BCAT1: variants seen among roughly 807,000 people sequenced by gnomAD.
BCAT1 encodes the protein branched-chain-amino-acid aminotransferase, cytosolic.
Under a neutral mutation model 52.4 loss-of-function variants are expected in BCAT1, and 48 were observed. That is an observed-to-expected ratio of 0.92 (90% CI 0.73 to 1.16). The LOEUF (loss-of-function observed/expected upper bound fraction) is 1.16, where lower values mean the gene tolerates loss of function less well. BCAT1 is among the 50% of genes most tolerant of loss of function. The pLI is 0.00. For synonymous variants in BCAT1, 167 were observed against 161.3 expected, an observed-to-expected ratio of 1.04 and a Z score of -0.27; for missense variants, 451 against 457.1, an observed-to-expected ratio of 0.99 and a Z score of 0.12.
chr12:24,910,281 G>T (rs1422822473), intron 1 of BCAT1, among the ~76,000 whole-genome samples: 2 of 151,998 alleles, frequency 1.3e-5, no homozygotes, highest in Non-Finnish European at 2.9e-5. Context: ...GGAGGCTGAG[G>T]CAGGAGGATC....
intron 5 of BCAT1, among the ~76,000 whole-genome samples, chr12:24,857,168 T>A (rs1941713751): frequency 6.6e-6 from 1 of 152,224 alleles, no homozygotes; most frequent in Non-Finnish European, 1.5e-5. Flanking sequence ...TGGTTTGATA[T>A]CTATGTGACC....
At chr12:24,909,825 C>T (rs929011187) in intron 1 of BCAT1, among the ~76,000 whole-genome samples, 1 of 152,180 alleles carries the variant, frequency 6.6e-6, no homozygotes, top group Admixed American at 6.5e-5. Flanking sequence ...TGGAACTACC[C>T]CACCTAGAAC....
chr12:24,929,281 T>G (rs1565502891), intron 1 of BCAT1, among the ~76,000 whole-genome samples: 1 of 152,222 alleles, frequency 6.6e-6, no homozygotes, highest in African/African-American at 2.4e-5. Flanking sequence ...ACTTTGCACT[T>G]GAATAAAGTA....
At position 24,867,335 on chromosome 12, in the gene BCAT1, ATC is replaced by A. The variant is rs1340236295; in HGVS notation, c.510+11193_510+11194del. On this transcript the variant is annotated intron_variant, in intron 5 of 10. Coordinates refer to ENST00000261192, the MANE Select transcript of BCAT1 (RefSeq NM_005504.7). ...TACCATGTTTTACAGACTCGAAAAT[ATC>A]TTTTTTTTTTTTTTTTTTTTACCTT... is the stretch of plus-strand genomic sequence containing the variant. Among the ~76,000 whole-genome samples the A allele has an allele frequency of 5.3e-3, 646 of 121,550 alleles. 3 individuals are homozygous for A. Among genetic ancestry groups the A allele is most frequent in the Non-Finnish European group, 7.7e-3 (470 of 61,130 alleles). 79.7% of individuals were successfully genotyped at this position (121,550 alleles called of 152,430 possible). A position where few individuals can be genotyped will look rare whatever the true frequency, so the allele number is the denominator to read the frequency against.
intron 10 of BCAT1, among the ~76,000 whole-genome samples, chr12:24,820,977 T>G (rs1940099036): frequency 6.6e-6 from 1 of 152,150 alleles, no homozygotes; most frequent in African/African-American, 2.4e-5. Flanking sequence ...TGAAAGGCTG[T>G]GCAAAGCTTT....
intron 1 of BCAT1, among the ~76,000 whole-genome samples, chr12:24,916,603 G>A (rs755665104): frequency 5.9e-5 from 9 of 152,138 alleles, no homozygotes; most frequent in Non-Finnish European, 1.0e-4. Flanking sequence ...GCAGTGGTGC[G>A]ATCTCGGCTC....
rs7131753 is a variant in BCAT1 at position 24,891,171 on chromosome 12, G to C, written c.279+3104C>G. Among the ~76,000 whole-genome samples, 646 of 152,272 alleles carry C rather than the reference G, an allele frequency of 4.2e-3. 9 individuals are homozygous for C. The highest frequency in any genetic ancestry group is 0.015 in the African/African-American group (626 of 41,544). On this transcript the variant is annotated intron_variant, in intron 3 of 10. Coordinates refer to ENST00000261192, the MANE Select transcript of BCAT1 (RefSeq NM_005504.7). ...GACACATACAGATTTTGGGCCCTAG[G>C]TCAGCACATAAGAAGGCTGCCTACT... is the stretch of plus-strand genomic sequence containing the variant.
intron 6 of BCAT1, 144 bp from the exon 7 acceptor site, chr12:24,842,368 C>T (rs1941202509): frequency 1.1e-6 from 1 of 877,134 alleles, no homozygotes; most frequent in East Asian, 2.8e-5. Context: ...ACTCTCTAGT[C>T]AACTGCATAA....
intron 3 of BCAT1, among the ~76,000 whole-genome samples, chr12:24,887,312 T>C (rs1308934760): frequency 1.3e-5 from 2 of 151,746 alleles, no homozygotes; most frequent in Non-Finnish European, 2.9e-5. Context: ...TCTCTGTCTA[T>C]ACTTAGGTCC....
chr12:24,882,452 G>T (rs1433672241), intron 3 of BCAT1, among the ~76,000 whole-genome samples: 2 of 152,062 alleles, frequency 1.3e-5, no homozygotes, highest in African/African-American at 4.8e-5. Context: ...GTATTTAAGT[G>T]CAAATATATT....
At chr12:24,940,104 G>A (rs368464468) in intron 1 of BCAT1, among the ~76,000 whole-genome samples, 1 of 151,840 alleles carries the variant, frequency 6.6e-6, no homozygotes, top group East Asian at 1.9e-4. Flanking sequence ...TATTTTTTAC[G>A]CCTAATGACT....
At chr12:24,840,469 T>G (rs1941141313) in intron 7 of BCAT1, among the ~76,000 whole-genome samples, 1 of 152,210 alleles carries the variant, frequency 6.6e-6, no homozygotes, top group Admixed American at 6.5e-5. Flanking sequence ...TAACTCAAAT[T>G]TATAAATCAT....
At chr12:24,905,959 AG>A (rs1377698975) in intron 1 of BCAT1, among the ~76,000 whole-genome samples, 1 of 151,346 alleles carries the variant, frequency 6.6e-6, no homozygotes, top group Non-Finnish European at 1.5e-5. Context: ...GGAGAGAAAC[AG>A]CCAGATTTCA....
intron 1 of BCAT1, among the ~76,000 whole-genome samples, chr12:24,912,306 A>G (rs1367027876): frequency 6.6e-6 from 1 of 151,996 alleles, no homozygotes; most frequent in Non-Finnish European, 1.5e-5. Context: ...CGAGGTCAGG[A>G]GATTGAGACC....
At chr12:24,917,636 TA>T (rs1424005885) in intron 1 of BCAT1, among the ~76,000 whole-genome samples, 2 of 152,196 alleles carry the variant, frequency 1.3e-5, no homozygotes, top group African/African-American at 4.8e-5. Context: ...AAAATCAGAA[TA>T]AAGCAATTTA....
chr12:24,884,122 C>G (rs560026375), intron 3 of BCAT1, among the ~76,000 whole-genome samples: 2 of 151,958 alleles, frequency 1.3e-5, no homozygotes, highest in African/African-American at 4.8e-5. Flanking sequence ...ACAGATGAAT[C>G]GATAAAGAAA....
chr12:24,831,881 A>G (rs144087495), intron 9 of BCAT1, among the ~76,000 whole-genome samples: 1 of 152,322 alleles, frequency 6.6e-6, no homozygotes, highest in East Asian at 1.9e-4. Flanking sequence ...ACAAGAAAAC[A>G]AAAGTATGGC....
rs1013082484 is a variant in BCAT1, at chr12:24,813,204, C to A, written c.*4804G>T. On this transcript the variant is annotated 3_prime_UTR_variant, in exon 11 of 11. Coordinates refer to ENST00000261192, the MANE Select transcript of BCAT1 (RefSeq NM_005504.7). ...ATACTCTGTTGATATGTTTCATTAT[C>A]AACCTCCCCAAATTAAACATCTGAC... 2.0e-5 allele frequency: 3 copies of A among 151,976 alleles called. No homozygotes were observed. The highest frequency in any genetic ancestry group is 7.2e-5 in the African/African-American group (3 of 41,420). The allele number at this position is 151,976 out of a possible 1,614,324, so 9.4% of individuals were successfully genotyped here.
chr12:24,840,354 G>A (rs1005790956), intron 7 of BCAT1, among the ~76,000 whole-genome samples: 1 of 152,078 alleles, frequency 6.6e-6, no homozygotes, highest in Non-Finnish European at 1.5e-5. Context: ...GGGTAAGAGT[G>A]GGCAGATGGG....
Sources: allele counts gnomAD v4.1 joint callset (sites outside exome capture counted in the v4.1 genomes callset), GRCh38; gene constraint gnomAD v4.1.1; transcripts MANE v1.5; gene names NCBI Gene and HGNC (gene_info 2026-07-23, HGNC 2026-07-21).